ARB2A: variants seen among roughly 807,000 people sequenced by gnomAD.
ARB2A encodes the protein cotranscriptional regulator ARB2A.
chr5:93,853,074 T>G, the ARB2A span, among the ~76,000 whole-genome samples: 1 of 152,240 alleles, frequency 6.6e-6, no homozygotes, highest in Non-Finnish European at 1.5e-5. Context: ...TGATATTGAT[T>G]CTTCCTACCC....
At chr5:93,841,517 G>A in the ARB2A span, among the ~76,000 whole-genome samples, 5 of 152,088 alleles carry the variant, frequency 3.3e-5, no homozygotes, top group Non-Finnish European at 7.4e-5. Context: ...TGAAGGAGGG[G>A]CTGTCCTGAA....
the ARB2A span, among the ~76,000 whole-genome samples, chr5:93,647,627 G>A: frequency 6.6e-6 from 1 of 151,914 alleles, no homozygotes. Context: ...GGGTTCAAGC[G>A]ATTTTCCTGC....
At chr5:94,026,491 G>T in the ARB2A span, among the ~76,000 whole-genome samples, 1 of 152,120 alleles carries the variant, frequency 6.6e-6, no homozygotes, top group Non-Finnish European at 1.5e-5. Flanking sequence ...CAGTGTGGCT[G>T]AGTCCAGGGC....
chr5:93,685,034 A>AAGTGCC, the ARB2A span, among the ~76,000 whole-genome samples: 1 of 152,208 alleles, frequency 6.6e-6, no homozygotes, highest in Non-Finnish European at 1.5e-5. Flanking sequence ...TATTTCTGTA[A>AAGTGCC]AGTGCCTCAT....
the ARB2A span, among the ~76,000 whole-genome samples, chr5:94,019,437 C>T: frequency 2.0e-4 from 30 of 152,136 alleles, no homozygotes; most frequent in South Asian, 5.6e-3. Context: ...AGAACTTAAA[C>T]TTACAAGAAA....
the ARB2A span, among the ~76,000 whole-genome samples, chr5:93,880,667 A>G: frequency 6.6e-6 from 1 of 151,694 alleles, no homozygotes; most frequent in African/African-American, 2.4e-5. Context: ...AAAATTGACA[A>G]ATGTCTCATA....
the ARB2A span, chr5:93,743,666 CTTTTT>C: frequency 3.8e-4 from 93 of 247,312 alleles, no homozygotes; most frequent in Non-Finnish European, 5.4e-4. Context: ...CAGCCATTTT[CTTTTT>C]TTTTTTTTTT....
the ARB2A span, among the ~76,000 whole-genome samples, chr5:93,637,354 G>GTTT: frequency 0.14 from 15,839 of 115,678 alleles, 1,424 homozygotes; most frequent in Admixed American, 0.2. Context: ...GGGTTGTTTA[G>GTTT]TTTTTTTTTT....
the ARB2A span, among the ~76,000 whole-genome samples, chr5:94,079,245 G>T: frequency 3.3e-5 from 5 of 152,028 alleles, no homozygotes; most frequent in Admixed American, 3.3e-4. Flanking sequence ...TAAAATGCAT[G>T]CTTGAACAAA....
chr5:94,000,795 G>A, the ARB2A span, among the ~76,000 whole-genome samples: 13,845 of 151,988 alleles, frequency 0.091, 793 homozygotes, highest in Middle Eastern at 0.16. Context: ...TTTGCACTTA[G>A]GTCTATGATC....
At chr5:93,642,673 C>A in the ARB2A span, among the ~76,000 whole-genome samples, 1 of 152,030 alleles carries the variant, frequency 6.6e-6, no homozygotes, top group Non-Finnish European at 1.5e-5. Flanking sequence ...TGTGACCGGC[C>A]CCCAGCTAAT....
chr5:93,727,079 A>G, the ARB2A span, among the ~76,000 whole-genome samples: 1 of 152,098 alleles, frequency 6.6e-6, no homozygotes, highest in Non-Finnish European at 1.5e-5. Context: ...AATTAAAAGT[A>G]GTTTGCATTT....
the ARB2A span, chr5:94,050,799 G>A: frequency 2.0e-5 from 33 of 1,611,926 alleles, no homozygotes; most frequent in Non-Finnish European, 2.5e-5. Flanking sequence ...AAAACAAATG[G>A]TTCCCCAGTT....
the ARB2A span, among the ~76,000 whole-genome samples, chr5:93,642,154 A>T: frequency 6.6e-6 from 1 of 151,816 alleles, no homozygotes; most frequent in Non-Finnish European, 1.5e-5. Context: ...CTAATTAAAA[A>T]AATATTTTTG....
At chr5:94,073,643 A>T in the ARB2A span, among the ~76,000 whole-genome samples, 3 of 152,114 alleles carry the variant, frequency 2.0e-5, no homozygotes, top group African/African-American at 7.2e-5. Context: ...ATCTAGGTGG[A>T]AACCCAGCAT....
the ARB2A span, among the ~76,000 whole-genome samples, chr5:94,022,067 G>T: frequency 6.6e-6 from 1 of 151,614 alleles, no homozygotes; most frequent in Non-Finnish European, 1.5e-5. Context: ...AAACTCTGTC[G>T]CAAATAATAA....
the ARB2A span, among the ~76,000 whole-genome samples, chr5:94,105,433 G>C: frequency 1.3e-5 from 2 of 152,018 alleles, no homozygotes; most frequent in Non-Finnish European, 2.9e-5. Context: ...TCAACAGGGA[G>C]GTGAAAGAGC....
the ARB2A span, chr5:93,964,606 T>C: frequency 1.1e-6 from 1 of 896,044 alleles, no homozygotes; most frequent in Non-Finnish European, 1.7e-6. Context: ...TTGTTGCAAG[T>C]TATTGCTCTG....
the ARB2A span, among the ~76,000 whole-genome samples, chr5:93,825,201 C>T: frequency 6.6e-6 from 1 of 152,122 alleles, no homozygotes; most frequent in African/African-American, 2.4e-5. Flanking sequence ...GTTTTTTCAC[C>T]TTAAATTTTT....
Sources: gnomAD v4.1 joint callset for allele counts (sites outside exome capture counted in the v4.1 genomes callset) on GRCh38, gnomAD v4.1.1 for gene constraint, MANE v1.5 for transcripts, NCBI Gene and HGNC (gene_info 2026-07-23, HGNC 2026-07-21) for gene names.